The following ANGEL1 variants were observed in gnomAD, a reference collection of about 807,000 sequenced individuals.
ANGEL1 encodes the protein angel homolog 1, also known as RNA 2',3'-cyclic phosphatase ANGEL1.
In ANGEL1, 62 loss-of-function variants were observed where a neutral mutation model predicts 76.4. The observed-to-expected ratio is 0.81, with a 90% CI of 0.66 to 1.00. The LOEUF is 1.00. ANGEL1 is among the 50% of genes least tolerant of loss of function. The pLI is 0.00. For synonymous variants in ANGEL1, 340 were observed against 331.7 expected, an observed-to-expected ratio of 1.03 and a Z score of -0.27; for missense variants, 737 against 836.7, an observed-to-expected ratio of 0.88 and a Z score of 1.47.
At chr14:76,809,964 T>A in intron 1 of ANGEL1, 1 of 410,466 alleles carries the variant, frequency 2.4e-6, no homozygotes, top group Non-Finnish European at 4.6e-6. Context: ...TCCTTTTACA[T>A]GACTTAGTTA....
intron 3 of ANGEL1, 43 bp from the exon 4 acceptor site, chr14:76,807,545 A>T (rs767897740): frequency 8.8e-6 from 14 of 1,594,378 alleles, no homozygotes; most frequent in Non-Finnish European, 1.2e-5. Context: ...GAGTGCTGGA[A>T]TGTGACCCCC....
intron 5 of ANGEL1, chr14:76,804,376 G>A (rs1040095825): frequency 5.8e-6 from 6 of 1,026,174 alleles, no homozygotes; most frequent in Admixed American, 5.6e-5. Context: ...GCACTTTACC[G>A]TATCTACGTC....
rs993118916 is a variant in ANGEL1 at position 76,788,948 on chromosome 14, T to G, written c.*280A>C. On this transcript the variant is annotated 3_prime_UTR_variant, in exon 10 of 10. Transcript: ENST00000251089. ...GTAATTAAAAATCAAGGGGGAGCGC[T>G]GGATACATGGAAGGAAGGGGGAGCC... 1.0e-5 allele frequency: 4 copies of G among 390,226 alleles called. No individual in the cohort carries two copies. Among genetic ancestry groups the G allele is most frequent in the Non-Finnish European group, 1.8e-5 (4 of 216,484 alleles). 24.2% of individuals were successfully genotyped at this position (390,226 alleles called of 1,614,324 possible). A position where few individuals can be genotyped will look rare whatever the true frequency, so the allele number is the denominator to read the frequency against.
chr14:76,808,994 A>C lies in ANGEL1; in HGVS notation c.649+65T>G, dbSNP rs915741359. On this transcript the variant is annotated intron_variant, in intron 2 of 9. Coordinates refer to ENST00000251089, the MANE Select transcript of ANGEL1 (RefSeq NM_015305.4). ...CCTACCATAGAATCTTCTCTTTAGC[A>C]ATGGCTCTGCCCACACCTGAGACAC... 16 of 1,444,102 alleles carry C rather than the reference A, an allele frequency of 1.1e-5. No homozygotes were observed. In the African/African-American group the frequency reaches 1.6e-4, roughly 14 times the overall value. The allele number at this position is 1,444,102 out of a possible 1,614,324, so 89.5% of individuals were successfully genotyped here.
chr14:76,793,489 G>A lies in ANGEL1; in HGVS notation c.1619-2123C>T, dbSNP rs187458159. ...AGGAAAGGGGAGAGGAGGAGAAAAA[G>A]GAGGAGGAAAAAAGGAAAGGAAAGA... On this transcript the variant is annotated intron_variant, in intron 7 of 9. Transcript: ENST00000251089. 3.2e-3 allele frequency among the ~76,000 whole-genome samples: 478 copies of A among 148,118 alleles called. 2 individuals are homozygous for A. The highest frequency in any genetic ancestry group is 5.0e-3 in the Non-Finnish European group (332 of 66,988).
rs1894307778 is a variant in ANGEL1, at chr14:76,788,487, AG to A, written c.*740del. The A allele has an allele frequency of 6.6e-6, 1 of 152,348 alleles. No homozygotes were observed. Among genetic ancestry groups the A allele is most frequent in the Admixed American group, 6.5e-5 (1 of 15,288 alleles). The allele number at this position is 152,348 out of a possible 1,614,324, so 9.4% of individuals were successfully genotyped here. ...GTGGGGAGCTCTGGGTTGGAGGCAC[AG>A]GGCCAGCTGGGACAGGTAGCGCATC... On this transcript the variant is annotated 3_prime_UTR_variant, in exon 10 of 10. Transcript: ENST00000251089.
intron 7 of ANGEL1, among the ~76,000 whole-genome samples, chr14:76,795,667 C>T (rs12896763): frequency 0.61 from 92,961 of 152,038 alleles, 28,823 homozygotes; most frequent in African/African-American, 0.69. Context: ...TTTCCTATTA[C>T]TTTTCACCCC....
At position 76,786,737 on chromosome 14, in the gene ANGEL1, A is replaced by T. The variant is rs1894271880; in HGVS notation, c.*2491T>A. The T allele has an allele frequency of 6.6e-6, 1 of 152,272 alleles. No homozygotes were observed. Among genetic ancestry groups the T allele is most frequent in the African/African-American group, 2.4e-5 (1 of 41,454 alleles). The allele number at this position is 152,272 out of a possible 1,614,324, so 9.4% of individuals were successfully genotyped here. On this transcript the variant is annotated 3_prime_UTR_variant, in exon 10 of 10. Transcript: ENST00000251089. Reference sequence around the variant, plus strand: ...GGAAGGAAGAGACATTTTTCCAGCGACAGATGGCCCACTGCTCAGCCCTGG... The same window carrying T: ...GGAAGGAAGAGACATTTTTCCAGCGTCAGATGGCCCACTGCTCAGCCCTGG...
rs1895018594 is a variant in ANGEL1 at position 76,809,437 on chromosome 14, G to C, written c.271C>G (p.Leu91Val). ...LIDKGLAQSSLALLMDNPGEE... is the reference protein window; with the variant it reads ...LIDKGLAQSSVALLMDNPGEE... ...CCAGGATTATCCATCAGAAGTGCCAGGCTGCTCTGGGCTAGTCCTTTATCT... is the reference window on the plus strand; with the variant it reads ...CCAGGATTATCCATCAGAAGTGCCACGCTGCTCTGGGCTAGTCCTTTATCT... Residue 91 changes from leucine (L) to valine (V), a missense_variant, in exon 2 of 10, where the codon CTG (leucine) becomes GTG (valine). Physicochemically the swap from Leu to Val is conservative, Grantham distance 32 (BLOSUM62 1). Transcript: ENST00000251089. 3 of 1,614,250 alleles carry C rather than the reference G, an allele frequency of 1.9e-6. 1 individual carries two copies.
In ANGEL1 at chr14:76,793,548, G is replaced by T. The variant is rs1306713728; in HGVS notation, c.1619-2182C>A. Reference sequence around the variant, plus strand: ...TGCCTATCAAAATCCCAACTGGTTGGTTTTTTTGGTTTTTTTTTTTTTGTC... The same window carrying T: ...TGCCTATCAAAATCCCAACTGGTTGTTTTTTTTGGTTTTTTTTTTTTTGTC... On this transcript the variant is annotated intron_variant, in intron 7 of 9. Coordinates refer to ENST00000251089, the MANE Select transcript of ANGEL1 (RefSeq NM_015305.4). 8.4e-4 allele frequency among the ~76,000 whole-genome samples: 9 copies of T among 10,710 alleles called. No homozygotes were observed. The East Asian group carries it at 0.022, about 26-fold the overall frequency. 7.0% of individuals were successfully genotyped at this position (10,710 alleles called of 152,430 possible). A position where few individuals can be genotyped will look rare whatever the true frequency, so the allele number is the denominator to read the frequency against.
At chr14:76,804,685 T>A (rs1343207268) in intron 5 of ANGEL1, among the ~76,000 whole-genome samples, 1 of 152,226 alleles carries the variant, frequency 6.6e-6, no homozygotes, top group Non-Finnish European at 1.5e-5. Flanking sequence ...GGCAAGTTAG[T>A]TAACTCTCTT....
chr14:76,804,547 C>T (rs927588171), intron 5 of ANGEL1: 29 of 715,766 alleles, frequency 4.1e-5, no homozygotes, highest in Admixed American at 6.3e-5. Context: ...AAGACACTAG[C>T]TAGGTGCTGG....
At position 76,810,204 on chromosome 14, in the gene ANGEL1, T is replaced by A. The variant is rs976753647; in HGVS notation, c.65-561A>T. 6.6e-6 allele frequency: 3 copies of A among 454,708 alleles called. No individual in the cohort carries two copies. The Admixed American group carries it at 7.1e-5, about 11-fold the overall frequency. 28.2% of individuals were successfully genotyped at this position (454,708 alleles called of 1,614,324 possible). On this transcript the variant is annotated intron_variant, in intron 1 of 9. Transcript: ENST00000251089. ...GCAGAGACAGAGGCAGCAGGATCAC[T>A]TGAGGCCAGGAGTTAGAGACCAGCC...
intron 7 of ANGEL1, among the ~76,000 whole-genome samples, chr14:76,800,398 GTAA>G (rs1223857294): frequency 6.6e-6 from 1 of 152,228 alleles, no homozygotes; most frequent in Non-Finnish European, 1.5e-5. Context: ...TGCCATAGCT[GTAA>G]TAATACTTTG....
At chr14:76,812,441 G>A in intron 1 of ANGEL1, 1 of 1,161,128 alleles carries the variant, frequency 8.6e-7, no homozygotes, top group Non-Finnish European at 1.1e-6. Flanking sequence ...TGACTTGGCC[G>A]ACCCCACAAT....
intron 7 of ANGEL1, among the ~76,000 whole-genome samples, chr14:76,794,949 C>T (rs549856912): frequency 3.1e-4 from 47 of 151,928 alleles, no homozygotes; most frequent in African/African-American, 1.1e-3. Context: ...AATAATTTAC[C>T]CCCTCCTTTC....
intron 7 of ANGEL1, among the ~76,000 whole-genome samples, chr14:76,797,187 A>C (rs536800714): frequency 6.6e-6 from 1 of 152,328 alleles, no homozygotes; most frequent in Non-Finnish European, 1.5e-5. Flanking sequence ...GAGGATCCTC[A>C]GTTGTATCAC....
Position 76,789,180 on chromosome 14 carries a change from T to C in ANGEL1, c.*48A>G. 6.2e-7 allele frequency: 1 copy of C among 1,606,156 alleles called. No individual in the cohort carries two copies. Among genetic ancestry groups the C allele is most frequent in the Non-Finnish European group, 8.5e-7 (1 of 1,176,288 alleles). ...CATGGGATTTTTCCACAGTCTCTGA[T>C]CCAGTGAGCTCTTCTGGAAGAGAAG... On this transcript the variant is annotated 3_prime_UTR_variant, in exon 10 of 10. Transcript: ENST00000251089.
At chr14:76,811,005 A>G (rs1338228386) in intron 1 of ANGEL1, among the ~76,000 whole-genome samples, 2 of 152,218 alleles carry the variant, frequency 1.3e-5, no homozygotes, top group African/African-American at 2.4e-5. Context: ...GACGGTTCAA[A>G]TATCTTGTTT....
Sources: gnomAD v4.1 joint callset for allele counts (sites outside exome capture counted in the v4.1 genomes callset) on GRCh38, gnomAD v4.1.1 for gene constraint, MANE v1.5 for transcripts, NCBI Gene and HGNC (gene_info 2026-07-23, HGNC 2026-07-21) for gene names.